Variants in RIGI observed in about 807,000 individuals in gnomAD.
RIGI encodes the protein RNA sensor RIG-I.
At chr9:32,475,473 AC>A in the RIGI span, among the ~76,000 whole-genome samples, 2 of 152,222 alleles carry the variant, frequency 1.3e-5, no homozygotes, top group Non-Finnish European at 2.9e-5. Context: ...GGATCAATAA[AC>A]AAAACAGAGA....
the RIGI span, among the ~76,000 whole-genome samples, chr9:32,459,003 C>T: frequency 6.6e-6 from 1 of 151,714 alleles, no homozygotes; most frequent in Non-Finnish European, 1.5e-5. Context: ...ATTCTCCTGC[C>T]TCAGCCTCCC....
chr9:32,495,637 A>C, the RIGI span, among the ~76,000 whole-genome samples: 1 of 150,572 alleles, frequency 6.6e-6, no homozygotes, highest in Non-Finnish European at 1.5e-5. Flanking sequence ...TATTTGGATA[A>C]ATGTCTATTC....
chr9:32,488,697 C>T, the RIGI span: 3 of 1,487,258 alleles, frequency 2.0e-6, no homozygotes, highest in Non-Finnish European at 2.7e-6. Context: ...TTACATGAAG[C>T]TGGAGAAAAA....
chr9:32,483,743 T>C, the RIGI span, among the ~76,000 whole-genome samples: 2 of 151,810 alleles, frequency 1.3e-5, no homozygotes, highest in African/African-American at 4.8e-5. Flanking sequence ...CTCCTCCCCA[T>C]GCTCTGGCCT....
the RIGI span, among the ~76,000 whole-genome samples, chr9:32,503,811 G>A: frequency 6.6e-6 from 1 of 152,160 alleles, no homozygotes; most frequent in African/African-American, 2.4e-5. Context: ...GGAGGCCAAG[G>A]TGGGTGGATC....
chr9:32,477,425 C>T, the RIGI span, among the ~76,000 whole-genome samples: 4,853 of 152,154 alleles, frequency 0.032, 264 homozygotes, highest in African/African-American at 0.11. Context: ...TACCACTGTT[C>T]AGGGTGTAAA....
chr9:32,460,199 G>A, the RIGI span, among the ~76,000 whole-genome samples: 2 of 152,056 alleles, frequency 1.3e-5, no homozygotes, highest in Non-Finnish European at 1.5e-5. Flanking sequence ...TGATTCTGAG[G>A]CCTCCCCAGC....
the RIGI span, among the ~76,000 whole-genome samples, chr9:32,497,788 T>A: frequency 2.0e-5 from 3 of 146,474 alleles, no homozygotes; most frequent in Admixed American, 1.3e-4. Context: ...AAATAAATAA[T>A]TCTGCCATCT....
At chr9:32,482,316 A>G in the RIGI span, among the ~76,000 whole-genome samples, 2 of 152,148 alleles carry the variant, frequency 1.3e-5, no homozygotes, top group Non-Finnish European at 2.9e-5. Context: ...TACATTTCAT[A>G]TATTGGGAAA....
chr9:32,458,040 A>G, the RIGI span, among the ~76,000 whole-genome samples: 1 of 152,230 alleles, frequency 6.6e-6, no homozygotes, highest in Admixed American at 6.5e-5. Flanking sequence ...AAGGGAACTT[A>G]GCAATATGAC....
At chr9:32,504,688 C>CATATAT in the RIGI span, among the ~76,000 whole-genome samples, 30 of 125,910 alleles carry the variant, frequency 2.4e-4, no homozygotes, top group Non-Finnish European at 3.9e-4. Context: ...GTCTCAAAAA[C>CATATAT]ATATATATAT....
At chr9:32,526,100 T>G in the RIGI span, 1 of 1,613,588 alleles carries the variant, frequency 6.2e-7, no homozygotes, top group Non-Finnish European at 8.5e-7. Context: ...AGGATGTAGG[T>G]AGGGTCCAGG....
chr9:32,476,890 G>A, the RIGI span: 60 of 1,098,828 alleles, frequency 5.5e-5, no homozygotes, highest in African/African-American at 8.2e-4. Context: ...CCAAACTTCT[G>A]GGATTACAGG....
chr9:32,474,023 G>T, the RIGI span, among the ~76,000 whole-genome samples: 2 of 152,078 alleles, frequency 1.3e-5, no homozygotes, highest in Admixed American at 1.3e-4. Flanking sequence ...CCGAGACTCC[G>T]TCTCAAAATT....
At chr9:32,481,493 G>C in the RIGI span, 1 of 1,387,288 alleles carries the variant, frequency 7.2e-7, no homozygotes, top group South Asian at 1.3e-5. Context: ...TTTGAGATAA[G>C]TTTTCTGTTA....
the RIGI span, among the ~76,000 whole-genome samples, chr9:32,493,481 G>T: frequency 4.0e-5 from 6 of 151,270 alleles, no homozygotes; most frequent in African/African-American, 1.5e-4. Context: ...AAAATTAGCT[G>T]GGCATGGTAG....
chr9:32,487,016 T>C, the RIGI span, among the ~76,000 whole-genome samples: 1 of 152,076 alleles, frequency 6.6e-6, no homozygotes, highest in Non-Finnish European at 1.5e-5. Context: ...AAACAACTGT[T>C]AGTCATATTA....
the RIGI span, chr9:32,467,641 A>C: frequency 2.2e-6 from 2 of 916,582 alleles, no homozygotes; most frequent in South Asian, 5.3e-5. Context: ...ACCAAAGTGC[A>C]CTGTGCCATT....
chr9:32,481,415 C>T, the RIGI span: 1 of 1,613,244 alleles, frequency 6.2e-7, no homozygotes, highest in Non-Finnish European at 8.5e-7. Context: ...TCTGGAACAC[C>T]ATGCATGCTT....
Sources: gnomAD v4.1 joint callset for allele counts (sites outside exome capture counted in the v4.1 genomes callset) on GRCh38, gnomAD v4.1.1 for gene constraint, MANE v1.5 for transcripts, NCBI Gene and HGNC (gene_info 2026-07-23, HGNC 2026-07-21) for gene names.